The following GCKR variants were observed in gnomAD, a reference collection of about 807,000 sequenced individuals.
The protein encoded by GCKR is glucokinase regulatory protein.
GCKR carries 73 observed loss-of-function variants against 82.9 expected under a neutral mutation model. The observed-to-expected ratio is 0.88, with a 90% confidence interval of 0.73 to 1.07. The LOEUF (loss-of-function observed/expected upper bound fraction) is 1.07, where lower values mean the gene tolerates loss of function less well. GCKR is among the 50% of genes least tolerant of loss of function. The probability of loss-of-function intolerance (pLI) is 0.00; values close to 1 mark genes in which losing one functional copy is unlikely to be tolerated. For missense variants in GCKR, 784 were observed against 782.1 expected (o/e 1.00, Z -0.03); for synonymous variants, 294 against 291.8 (o/e 1.01, Z -0.08).
At chr2:27,504,865 G>C (rs1027072671) in intron 9 of GCKR, among the ~76,000 whole-genome samples, 1 of 151,902 alleles carries the variant, frequency 6.6e-6, no homozygotes, top group African/African-American at 2.4e-5. Context: ...AGTGGCTCAC[G>C]CCTGTAATCC....
chr2:27,501,167 C>T lies in GCKR; in HGVS notation c.582C>T (p.Cys194=), dbSNP rs768679622. The T allele has an allele frequency of 1.4e-5, 22 of 1,613,834 alleles. No homozygotes were observed. Among genetic ancestry groups the T allele is most frequent in the Non-Finnish European group, 1.5e-5 (18 of 1,179,780 alleles). The change falls in exon 8 of 19, where the codon TGC becomes TGT. Residue 194 remains cysteine, a synonymous_variant. Coordinates refer to ENST00000264717, the MANE Select transcript of GCKR (RefSeq NM_001486.4). ...TTGTGGCAGGCCAGATGGACTGCTG[C>T]ATGAACAACACAGCTGTCTTCTTGC... is the stretch of plus-strand genomic sequence containing the variant. ...APFVAGQMDC[C]MNNTAVFLPV... is the part of the protein sequence containing the mutation.
intron 13 of GCKR, 93 bp from the exon 14 acceptor site, chr2:27,507,588 G>T: frequency 1.3e-6 from 1 of 788,756 alleles, no homozygotes; most frequent in South Asian, 1.4e-5. Flanking sequence ...GTGCACAAAA[G>T]TGTTAGATCT....
chr2:27,515,738 A>G (rs546201351), intron 16 of GCKR, among the ~76,000 whole-genome samples: 2 of 140,934 alleles, frequency 1.4e-5, no homozygotes, highest in East Asian at 4.1e-4. Context: ...TGATTATCCA[A>G]TTGTTCGTAT....
intron 16 of GCKR, among the ~76,000 whole-genome samples, chr2:27,518,311 G>A (rs1670057903): frequency 6.6e-6 from 1 of 152,236 alleles, no homozygotes; most frequent in African/African-American, 2.4e-5. Flanking sequence ...CTCCCAAAGT[G>A]GTGGGATTAC....
At position 27,497,226 on chromosome 2, in the gene GCKR, GT is replaced by G; in HGVS notation, c.61-17del. The G allele has an allele frequency of 1.2e-6, 2 of 1,614,094 alleles. No homozygotes were observed. The highest frequency in any genetic ancestry group is 1.7e-6 in the Non-Finnish European group (2 of 1,179,986). On this transcript the variant is annotated splice_polypyrimidine_tract_variant and intron_variant, in intron 1 of 18. Coordinates refer to ENST00000264717, the MANE Select transcript of GCKR (RefSeq NM_001486.4). ...GGCTTTGGCTTCCTGCTCCATCCTTGTCCCCTCTTCCTTCTAGTTGTCTGGG... is the reference window on the plus strand; with the variant it reads ...GGCTTTGGCTTCCTGCTCCATCCTTGCCCCTCTTCCTTCTAGTTGTCTGGG...
intron 8 of GCKR, among the ~76,000 whole-genome samples, chr2:27,501,997 G>C (rs1465256155): frequency 6.6e-6 from 1 of 152,180 alleles, no homozygotes; most frequent in Non-Finnish European, 1.5e-5. Context: ...TGCACAGCCA[G>C]GTTTGGGGAA....
intron 17 of GCKR, among the ~76,000 whole-genome samples, chr2:27,519,151 T>A (rs1346480140): frequency 6.6e-6 from 1 of 152,098 alleles, no homozygotes; most frequent in Non-Finnish European, 1.5e-5. Flanking sequence ...CAAGACTCTT[T>A]CAGTTACAAA....
At chr2:27,515,773 T>A (rs1430799298) in intron 16 of GCKR, among the ~76,000 whole-genome samples, 6 of 144,852 alleles carry the variant, frequency 4.1e-5, no homozygotes, top group African/African-American at 1.3e-4. Context: ...ATATTTTTTT[T>A]TTTTTTTTGA....
At chr2:27,498,470 G>A in intron 4 of GCKR, 147 bp downstream of exon 4, 1 of 690,780 alleles carries the variant, frequency 1.4e-6, no homozygotes. Context: ...CCAAAAGCTA[G>A]ATGTCACCAT....
intron 16 of GCKR, among the ~76,000 whole-genome samples, chr2:27,516,822 T>C (rs1670022739): frequency 6.6e-6 from 1 of 152,224 alleles, no homozygotes; most frequent in Non-Finnish European, 1.5e-5. Flanking sequence ...GCATACTTAC[T>C]GGCCAGTTTC....
At chr2:27,509,947 T>A (rs921024065) in intron 16 of GCKR, among the ~76,000 whole-genome samples, 2 of 148,914 alleles carry the variant, frequency 1.3e-5, no homozygotes, top group South Asian at 4.1e-4. Context: ...TTTCAAAAAT[T>A]ATTATTATTA....
rs767357032 is a variant in GCKR, at chr2:27,522,584, A to T, written c.1697A>T (p.Glu566Val). The change falls in exon 18 of 19, where the codon GAG becomes GTG. Residue 566 changes from glutamate to valine, a missense_variant. By Grantham distance (121) the Glu-to-Val change is moderately radical. Transcript: ENST00000264717. ...PISCHVQVAH[E>V]KEQVIPIALL... ...TCCTGCCATGTCCAGGTTGCACATG[A>T]GAAGGAACAGGTATCCTGCCCACTG... 6.2e-7 allele frequency: 1 copy of T among 1,613,616 alleles called. No homozygotes were observed. Among genetic ancestry groups the T allele is most frequent in the Non-Finnish European group, 8.5e-7 (1 of 1,179,516 alleles).
intron 7 of GCKR, among the ~76,000 whole-genome samples, chr2:27,500,510 A>T (rs1048219395): frequency 6.6e-6 from 1 of 152,224 alleles, no homozygotes; most frequent in South Asian, 2.1e-4. Flanking sequence ...TGCTATAGCC[A>T]TAGGGTTGAG....
At chr2:27,519,248 C>T (rs1363953719) in intron 17 of GCKR, among the ~76,000 whole-genome samples, 1 of 151,724 alleles carries the variant, frequency 6.6e-6, no homozygotes, top group Non-Finnish European at 1.5e-5. Flanking sequence ...GCAGCTGAAT[C>T]TAATGTGTTC....
chr2:27,506,851 G>A lies in GCKR; in HGVS notation c.1032G>A (p.Met344Ile). ...AGACCCTGGGCATCATTGCCATCAT[G>A]GATGGAGTAGAGTGCATCCACACCT... ...GWQTLGIIAIMDGVECIHTFG... is the reference protein window; with the variant it reads ...GWQTLGIIAIIDGVECIHTFG... Residue 344 changes from methionine to isoleucine, a missense_variant, in exon 12 of 19, where the codon ATG becomes ATA. Transcript: ENST00000264717. The A allele has an allele frequency of 6.2e-7, 1 of 1,612,940 alleles. No individual in the cohort carries two copies. Among genetic ancestry groups the A allele is most frequent in the Non-Finnish European group, 8.5e-7 (1 of 1,178,946 alleles).
intron 16 of GCKR, among the ~76,000 whole-genome samples, chr2:27,510,755 CT>C (rs201582352): frequency 3.3e-5 from 5 of 150,930 alleles, no homozygotes; most frequent in Admixed American, 6.6e-5. Flanking sequence ...CCATTTGATA[CT>C]TTTTTTTTGT....
chr2:27,498,188 A>T (rs1380838637), intron 3 of GCKR, 67 bp from the exon 4 acceptor site: 4 of 1,231,730 alleles, frequency 3.2e-6, no homozygotes, highest in Non-Finnish European at 4.8e-6. Flanking sequence ...ATTACTGACA[A>T]AGAAAAGAAT....
Position 27,523,524 on chromosome 2 carries a change from T to C in GCKR, c.*85T>C, listed in dbSNP as rs1319498227. ...CAAGGGGACTTGTGCCAGCAGAACA[T>C]GTGGGAGGAAGAAGCCCCGTTTCCA... On this transcript the variant is annotated 3_prime_UTR_variant, in exon 19 of 19. Transcript: ENST00000264717. 1 of 1,388,592 alleles carries C rather than the reference T, an allele frequency of 7.2e-7. No individual in the cohort carries two copies. Among genetic ancestry groups the C allele is most frequent in the South Asian group, 1.2e-5 (1 of 85,936 alleles). 86.0% of individuals were successfully genotyped at this position (1,388,592 alleles called of 1,614,324 possible). A position where few individuals can be genotyped will look rare whatever the true frequency, so the allele number is the denominator to read the frequency against.
chr2:27,503,941 T>C (rs1669644916), intron 9 of GCKR, among the ~76,000 whole-genome samples: 2 of 152,246 alleles, frequency 1.3e-5, no homozygotes, highest in Admixed American at 1.3e-4. Flanking sequence ...TTTCAGTCTG[T>C]CTCTCTCACA....
Sources: allele counts gnomAD v4.1 joint callset (sites outside exome capture counted in the v4.1 genomes callset), GRCh38; gene constraint gnomAD v4.1.1; transcripts MANE v1.5; gene names NCBI Gene and HGNC (gene_info 2026-07-23, HGNC 2026-07-21).